Variants in EIF2B2 observed in about 807,000 individuals in gnomAD.
The protein encoded by EIF2B2 is eukaryotic translation initiation factor 2B subunit beta.
Under a neutral mutation model 34.7 loss-of-function variants are expected in EIF2B2, and 34 were observed. That is an observed-to-expected ratio of 0.98 (90% CI 0.75 to 1.31). EIF2B2 has a LOEUF of 1.31. Ranked by LOEUF, EIF2B2 falls within the 50% of genes most tolerant of loss-of-function variation. The pLI is 0.00. For missense variants in EIF2B2, 361 were observed against 447.7 expected (o/e 0.81, Z 1.75); for synonymous variants, 155 against 171.6 (o/e 0.90, Z 0.76).
intron 6 of EIF2B2, chr14:75,007,022 G>A (rs769638077): frequency 7.5e-6 from 4 of 530,400 alleles, no homozygotes; most frequent in East Asian, 4.9e-5. Flanking sequence ...CAAGCAGGTT[G>A]AAAGTAGGAT....
Position 75,009,343 on chromosome 14 carries a change from C to T in EIF2B2, c.*155C>T. The stretch of plus-strand genomic sequence containing the variant: ...ATACTGTTGCCTGCCTTTTTAGTCA[C>T]CCCGTAACAAGGGCACACATCCAGG... On this transcript the variant is annotated 3_prime_UTR_variant, in exon 8 of 8. Coordinates refer to ENST00000266126, the MANE Select transcript of EIF2B2 (RefSeq NM_014239.4). 2 of 854,326 alleles carry T rather than the reference C, an allele frequency of 2.3e-6. No individual in the cohort carries two copies. Among genetic ancestry groups the T allele is most frequent in the Non-Finnish European group, 3.9e-6 (2 of 519,186 alleles). The allele number at this position is 854,326 out of a possible 1,614,324, so 52.9% of individuals were successfully genotyped here.
At position 75,002,932 on chromosome 14, in the gene EIF2B2, C is replaced by A; in HGVS notation, c.-59C>A. ...ACCTCGCCCGCCCCGGAAGTGCAAA[C>A]TGTGTGGTCTGGCAGGTGTGGATTC... On this transcript the variant is annotated 5_prime_UTR_variant, in exon 1 of 8. It adds an upstream start codon to the 5' untranslated region. Transcript: ENST00000266126. The A allele has an allele frequency of 6.2e-7, 1 of 1,612,154 alleles. No individual in the cohort carries two copies. The highest frequency in any genetic ancestry group is 1.3e-5 in the African/African-American group (1 of 75,040).
In EIF2B2 at chr14:75,012,223, C is replaced by G. The variant is rs1368148227; in HGVS notation, c.*3035C>G. On this transcript the variant is annotated 3_prime_UTR_variant, in exon 8 of 8. Coordinates refer to ENST00000266126, the MANE Select transcript of EIF2B2 (RefSeq NM_014239.4). ...GGTATCAGGGGTGCCCACCTCCCAC[C>G]CCTGCCTTGCTGGCGGAACCGAGAA... 6.6e-6 allele frequency: 1 copy of G among 152,062 alleles called. No homozygotes were observed. Among genetic ancestry groups the G allele is most frequent in the African/African-American group, 2.4e-5 (1 of 41,360 alleles). 9.4% of individuals were successfully genotyped at this position (152,062 alleles called of 1,614,324 possible).
At chr14:75,004,689 A>ATT (rs376012405) in intron 3 of EIF2B2, 48 bp from the exon 4 acceptor site, 10 of 155,342 alleles carry the variant, frequency 6.4e-5, no homozygotes, top group Admixed American at 2.2e-4. Context: ...ATATATATAT[A>ATT]TTTTTTTTTT....
Position 75,003,130 on chromosome 14 carries a change from C to G in EIF2B2, c.140C>G (p.Thr47Arg), listed in dbSNP as rs778303902. The change falls in exon 1 of 8, where the codon ACG becomes AGG. Residue 47 changes from threonine to arginine, a missense_variant. Thr to Arg is a moderately conservative substitution (Grantham distance 71). Coordinates refer to ENST00000266126, the MANE Select transcript of EIF2B2 (RefSeq NM_014239.4). ...CTAGGGTTGCTGCGCCAGATCATCACGGACCACCGCTGGAGCAACGCGGGT... is the reference window on the plus strand; with the variant it reads ...CTAGGGTTGCTGCGCCAGATCATCAGGGACCACCGCTGGAGCAACGCGGGT... ...ETLGLLRQII[T>R]DHRWSNAGEL... 6.2e-7 allele frequency: 1 copy of G among 1,613,470 alleles called. No individual in the cohort carries two copies. The highest frequency in any genetic ancestry group is 8.5e-7 in the Non-Finnish European group (1 of 1,179,950).
chr14:75,003,906 T>C (rs1389892461), intron 3 of EIF2B2, among the ~76,000 whole-genome samples: 4 of 152,190 alleles, frequency 2.6e-5, no homozygotes, highest in Non-Finnish European at 5.9e-5. Flanking sequence ...CAACCCTTGA[T>C]AGACTACAGA....
rs1889678102 is a variant in EIF2B2, at chr14:75,009,665, C to T, written c.*477C>T. 8.5e-6 allele frequency: 2 copies of T among 234,434 alleles called. No homozygotes were observed. The highest frequency in any genetic ancestry group is 8.5e-6 in the Non-Finnish European group (1 of 118,048). The allele number at this position is 234,434 out of a possible 1,614,324, so 14.5% of individuals were successfully genotyped here. A position where few individuals can be genotyped will look rare whatever the true frequency, so the allele number is the denominator to read the frequency against. On this transcript the variant is annotated 3_prime_UTR_variant, in exon 8 of 8. Transcript: ENST00000266126. ...AGCAGCAGAGCCTTTTTTGTGTTTG[C>T]ATAGAGGGCTGTAGTTAGCGGGAAA...
rs1290108546 is a variant in EIF2B2 at position 75,006,022 on chromosome 14, T to C, written c.693+61T>C. The C allele has an allele frequency of 1.0e-5, 14 of 1,343,496 alleles. No individual in the cohort carries two copies. Among genetic ancestry groups the C allele is most frequent in the Non-Finnish European group, 1.5e-5 (14 of 936,114 alleles). The allele number at this position is 1,343,496 out of a possible 1,614,324, so 83.2% of individuals were successfully genotyped here. On this transcript the variant is annotated intron_variant, in intron 5 of 7. Transcript: ENST00000266126. The surrounding 1 kb of genome is among the most constrained non-coding windows in gnomAD (Gnocchi z 4.1). ...ATTATGTTTCTAAAATATTGATTTT[T>C]ATCTCCTCCTGTAATATCCACGGTG...
intron 6 of EIF2B2, 29 bp from the exon 7 acceptor site, chr14:75,007,693 C>T (rs1455831841): frequency 2.1e-5 from 34 of 1,596,130 alleles, no homozygotes; most frequent in Non-Finnish European, 2.8e-5. Flanking sequence ...TGCTGGGTCT[C>T]TAGTTTTTAT....
In EIF2B2 at chr14:75,004,699, T is replaced by A. The variant is rs747246029; in HGVS notation, c.434-38T>A. 0.025 allele frequency: 10,149 copies of A among 404,856 alleles called. 772 individuals are homozygous for A. Among genetic ancestry groups the A allele is most frequent in the East Asian group, 0.11 (672 of 6,094 alleles). The allele number at this position is 404,856 out of a possible 1,614,324, so 25.1% of individuals were successfully genotyped here. A position where few individuals can be genotyped will look rare whatever the true frequency, so the allele number is the denominator to read the frequency against. ...TATATATATATATATATTTTTTTTT[T>A]TTTTTTTTTTTTTTTTTTTGCAAAA... On this transcript the variant is annotated intron_variant, in intron 3 of 7. Transcript: ENST00000266126.
chr14:75,004,689 A>ATATATATATATATATATATATATTTATT lies in EIF2B2; in HGVS notation c.434-47_434-46insATATATATATATATATATATATTTATTT. 3 of 146,208 alleles carry ATATATATATATATATATATATATTTATT rather than the reference A, an allele frequency of 2.1e-5. No homozygotes were observed. The African/African-American group carries it at 2.2e-4, about 11-fold the overall frequency. The allele number at this position is 146,208 out of a possible 1,614,324, so 9.1% of individuals were successfully genotyped here. A position where few individuals can be genotyped will look rare whatever the true frequency, so the allele number is the denominator to read the frequency against. ...TTCATATATATATATATATATATAT[A>ATATATATATATATATATATATATTTATT]TTTTTTTTTTTTTTTTTTTTTTTTT... On this transcript the variant is annotated intron_variant, in intron 3 of 7. Transcript: ENST00000266126.
chr14:75,006,411 A>T lies in EIF2B2; in HGVS notation c.694-166A>T. ...ACATTCATTCTTTCCTTGGAAACCT[A>T]CTTTTAAGCTAGAACTTGTATTGAG... On this transcript the variant is annotated intron_variant, in intron 5 of 7. Coordinates refer to ENST00000266126, the MANE Select transcript of EIF2B2 (RefSeq NM_014239.4). This position sits in a 1 kb window ranked among gnomAD's most constrained non-coding sequence, Gnocchi z 4.1. 10 of 951,354 alleles carry T rather than the reference A, an allele frequency of 1.1e-5. No individual in the cohort carries two copies. The South Asian group carries it at 1.3e-4, about 12-fold the overall frequency. The allele number at this position is 951,354 out of a possible 1,614,324, so 58.9% of individuals were successfully genotyped here. A position where few individuals can be genotyped will look rare whatever the true frequency, so the allele number is the denominator to read the frequency against.
Position 75,009,089 on chromosome 14 carries a change from GCTCAT to G in EIF2B2, c.958_962del (p.Leu320TyrfsTer21). On this transcript the variant is annotated frameshift_variant, in exon 8 of 8. Transcript: ENST00000266126. LOFTEE classifies it high-confidence loss of function. ...CTGTGTTTGACTACGTTCCCCCAGAGCTCATTACCCTCTTTATCTCCAACATTGGT... is the reference window on the plus strand; with the variant it reads ...CTGTGTTTGACTACGTTCCCCCAGAGTACCCTCTTTATCTCCAACATTGGT... 6.2e-7 allele frequency: 1 copy of G among 1,614,120 alleles called. No individual in the cohort carries two copies. Among genetic ancestry groups the G allele is most frequent in the Non-Finnish European group, 8.5e-7 (1 of 1,180,016 alleles).
At position 75,006,534 on chromosome 14, in the gene EIF2B2, C is replaced by T; in HGVS notation, c.694-43C>T. 1 of 1,610,390 alleles carries T rather than the reference C, an allele frequency of 6.2e-7. No individual in the cohort carries two copies. The highest frequency in any genetic ancestry group is 1.3e-5 in the African/African-American group (1 of 75,052). The stretch of plus-strand genomic sequence containing the variant: ...TTTGTGGCCAGTGGCCCTTTTAGGG[C>T]TCCACCCCCAGGATGGCTCACATTT... On this transcript the variant is annotated intron_variant, in intron 5 of 7. Coordinates refer to ENST00000266126, the MANE Select transcript of EIF2B2 (RefSeq NM_014239.4). This position sits in a 1 kb window ranked among gnomAD's most constrained non-coding sequence, Gnocchi z 4.1.
At chr14:75,005,453 A>G (rs1258218235) in intron 4 of EIF2B2, among the ~76,000 whole-genome samples, 1 of 152,104 alleles carries the variant, frequency 6.6e-6, no homozygotes, top group Non-Finnish European at 1.5e-5. Context: ...AAAGCAGGGT[A>G]AATTACCTTG....
Position 75,012,222 on chromosome 14 carries a change from C to A in EIF2B2, c.*3034C>A, listed in dbSNP as rs1889716436. ...TGGTATCAGGGGTGCCCACCTCCCACCCCTGCCTTGCTGGCGGAACCGAGA... is the reference window on the plus strand; with the variant it reads ...TGGTATCAGGGGTGCCCACCTCCCAACCCTGCCTTGCTGGCGGAACCGAGA... On this transcript the variant is annotated 3_prime_UTR_variant, in exon 8 of 8. Coordinates refer to ENST00000266126, the MANE Select transcript of EIF2B2 (RefSeq NM_014239.4). 6.6e-6 allele frequency: 1 copy of A among 152,134 alleles called. No homozygotes were observed. The highest frequency in any genetic ancestry group is 1.5e-5 in the Non-Finnish European group (1 of 68,030). The allele number at this position is 152,134 out of a possible 1,614,324, so 9.4% of individuals were successfully genotyped here.
In EIF2B2 at chr14:75,002,999, A is replaced by T. The variant is rs1277540829; in HGVS notation, c.9A>T (p.Gly3=). Residue 3 remains glycine (G), a synonymous_variant, in exon 1 of 8, where the codon GGA becomes GGT. Transcript: ENST00000266126. ...AGGCAGCTACCTTAAAGATGCCGGG[A>T]TCCGCAGCGAAGGGCTCGGAGTTGT... MP[G]SAAKGSELSE... 1.9e-6 allele frequency: 3 copies of T among 1,614,056 alleles called. No individual in the cohort carries two copies. The highest frequency in any genetic ancestry group is 2.5e-6 in the Non-Finnish European group (3 of 1,180,014).
intron 3 of EIF2B2, 48 bp from the exon 4 acceptor site, chr14:75,004,689 A>ATATTTATT: frequency 6.8e-6 from 1 of 146,204 alleles, no homozygotes; most frequent in African/African-American, 7.2e-5. Context: ...ATATATATAT[A>ATATTTATT]TTTTTTTTTT....
chr14:75,003,718 G>A lies in EIF2B2; in HGVS notation c.433+19G>A. 6.2e-7 allele frequency: 1 copy of A among 1,614,070 alleles called. No homozygotes were observed. The highest frequency in any genetic ancestry group is 8.5e-7 in the Non-Finnish European group (1 of 1,180,008). On this transcript the variant is annotated intron_variant, in intron 3 of 7. Coordinates refer to ENST00000266126, the MANE Select transcript of EIF2B2 (RefSeq NM_014239.4). ...GAGCTGGGTAAGAGGCCTGATCGCT[G>A]GGAAAATGGGACTGGTCACAGGCAC... is the stretch of plus-strand genomic sequence containing the variant.
Sources: allele counts gnomAD v4.1 joint callset (sites outside exome capture counted in the v4.1 genomes callset), GRCh38; gene constraint gnomAD v4.1.1; non-coding constraint Gnocchi (gnomAD v3.1); transcripts MANE v1.5; gene names NCBI Gene and HGNC (gene_info 2026-07-23, HGNC 2026-07-21).